The following KMT2A variants were observed in gnomAD, a reference collection of about 807,000 sequenced individuals.
The protein encoded by KMT2A is lysine methyltransferase 2A.
A neutral mutation model predicts 345.3 loss-of-function variants in KMT2A; 16 were observed. The observed-to-expected ratio is 0.05, with a 90% CI of 0.03 to 0.07. The LOEUF (loss-of-function observed/expected upper bound fraction) is 0.07. Ranked by LOEUF, KMT2A falls within the 10% of genes least tolerant of loss-of-function variation. The probability of loss-of-function intolerance (pLI) is 1.00; values close to 1 mark genes in which losing one functional copy is unlikely to be tolerated. For synonymous variants in KMT2A, 1,599 were observed against 1,778.6 expected (o/e 0.90, Z 2.54); for missense variants, 3,272 against 4,841.6 (o/e 0.68, Z 9.62).
At chr11:118,437,194 A>C (rs574802088) in intron 1 of KMT2A, among the ~76,000 whole-genome samples, 17 of 131,870 alleles carry the variant, frequency 1.3e-4, no homozygotes, top group African/African-American at 4.4e-4. Context: ...CCCTTCCCCA[A>C]ATCCCTTGGC....
chr11:118,505,008 C>G lies in KMT2A; in HGVS notation c.9116C>G (p.Ser3039Cys), dbSNP rs1279929414. The G allele has an allele frequency of 6.2e-7, 1 of 1,613,990 alleles. No individual in the cohort carries two copies. The highest frequency in any genetic ancestry group is 8.5e-7 in the Non-Finnish European group (1 of 1,180,014). ...SSTPGLQVPVSPTVPIQNQKY... is the reference protein window; with the variant it reads ...SSTPGLQVPVCPTVPIQNQKY... ...ACCCCTGGCCTTCAGGTACCTGTTT[C>G]CCCAACTGTTCCCATCCAGAACCAG... Residue 3039 changes from serine to cysteine, a missense_variant, in exon 27 of 36, where the codon TCC becomes TGC. Physicochemically the swap from Ser to Cys is moderately radical, Grantham distance 112. Around this residue, in one of 27 missense-constraint regions of KMT2A, gnomAD observed 748 missense variants for 922.2 expected, o/e 0.81. Coordinates refer to ENST00000534358, the MANE Select transcript of KMT2A (RefSeq NM_001197104.2). This position sits in a 1 kb window ranked among gnomAD's most constrained non-coding sequence, Gnocchi z 4.6.
intron 1 of KMT2A, among the ~76,000 whole-genome samples, chr11:118,446,242 G>A (rs1591345656): frequency 1.3e-5 from 2 of 152,032 alleles, no homozygotes; most frequent in South Asian, 2.1e-4. Context: ...CCAGCTACTT[G>A]GGGGGCTGAG....
rs1050383568 is a variant in KMT2A at position 118,525,807 on chromosome 11, G to A, written c.*3635G>A. On this transcript the variant is annotated 3_prime_UTR_variant, in exon 36 of 36. Coordinates refer to ENST00000534358, the MANE Select transcript of KMT2A (RefSeq NM_001197104.2). Reference sequence around the variant, plus strand: ...GAAATCAAGTTGTTTTTGTTTTTAAGGAAAAGCGGGTCATTGCAAAGGGCT... The same window carrying A: ...GAAATCAAGTTGTTTTTGTTTTTAAAGAAAAGCGGGTCATTGCAAAGGGCT... The A allele has an allele frequency of 7.9e-5, 17 of 215,386 alleles. No individual in the cohort carries two copies. The highest frequency in any genetic ancestry group is 1.6e-4 in the Non-Finnish European group (17 of 107,478). The allele number at this position is 215,386 out of a possible 1,614,324, so 13.3% of individuals were successfully genotyped here. A position where few individuals can be genotyped will look rare whatever the true frequency, so the allele number is the denominator to read the frequency against.
At chr11:118,469,495 C>T (rs1949906632) in intron 2 of KMT2A, among the ~76,000 whole-genome samples, 1 of 152,136 alleles carries the variant, frequency 6.6e-6, no homozygotes, top group African/African-American at 2.4e-5. Flanking sequence ...CAATATTTGT[C>T]ATTATTCTCA....
At chr11:118,519,832 A>G (rs782508225) in intron 32 of KMT2A, 40 bp downstream of exon 32, 1 of 1,599,216 alleles carries the variant, frequency 6.3e-7, no homozygotes, top group South Asian at 1.1e-5. Flanking sequence ...TTGGGTCTCG[A>G]TTTTCTTATC....
At position 118,502,389 on chromosome 11, in the gene KMT2A, C is replaced by T. The variant is rs782698697; in HGVS notation, c.6506-9C>T. Reference sequence around the variant, plus strand: ...CAATAGCATTTATTACTTTTTCTCTCTTGTTTAGGAAGTCCTACCCCAACC... The same window carrying T: ...CAATAGCATTTATTACTTTTTCTCTTTTGTTTAGGAAGTCCTACCCCAACC... On this transcript the variant is annotated splice_polypyrimidine_tract_variant and intron_variant, in intron 26 of 35. Coordinates refer to ENST00000534358, the MANE Select transcript of KMT2A (RefSeq NM_001197104.2). The surrounding 1 kb of genome is among the most constrained non-coding windows in gnomAD (Gnocchi z 4.9). 6.4e-7 allele frequency: 1 copy of T among 1,558,616 alleles called. No individual in the cohort carries two copies. Among genetic ancestry groups the T allele is most frequent in the Admixed American group, 2.0e-5 (1 of 49,578 alleles).
chr11:118,490,899 TTC>T lies in KMT2A; in HGVS notation c.4697-291_4697-290del, dbSNP rs1337356755. On this transcript the variant is annotated intron_variant, in intron 13 of 35. Coordinates refer to ENST00000534358, the MANE Select transcript of KMT2A (RefSeq NM_001197104.2). This position sits in a 1 kb window ranked among gnomAD's most constrained non-coding sequence, Gnocchi z 4.2. ...TATTTCTTACAAATGTGTGAGAAAC[TTC>T]TCTCTTCCATTCTTTTCTATTGTTT... 2.0e-5 allele frequency among the ~76,000 whole-genome samples: 3 copies of T among 152,228 alleles called. No homozygotes were observed. The highest frequency in any genetic ancestry group is 2.9e-5 in the Non-Finnish European group (2 of 68,030).
intron 27 of KMT2A, among the ~76,000 whole-genome samples, chr11:118,507,306 C>T (rs1458579515): frequency 6.6e-6 from 1 of 152,076 alleles, no homozygotes; most frequent in Non-Finnish European, 1.5e-5. Flanking sequence ...CCACTCGGAT[C>T]AAGATACAGA....
At chr11:118,437,039 G>C in intron 1 of KMT2A, 95 bp downstream of exon 1, 1 of 1,312,694 alleles carries the variant, frequency 7.6e-7, no homozygotes, top group East Asian at 3.0e-5. Flanking sequence ...CCCAATTCTG[G>C]GACCATCTCG....
intron 8 of KMT2A, among the ~76,000 whole-genome samples, chr11:118,483,791 G>C (rs9332795): frequency 0.013 from 1,973 of 152,224 alleles, 23 homozygotes; most frequent in Non-Finnish European, 0.02. Flanking sequence ...CAGCACTTTG[G>C]GGGGCCAAGG....
chr11:118,498,402 C>T lies in KMT2A; in HGVS notation c.5835C>T (p.Thr1945=), dbSNP rs782265781. The change falls in exon 22 of 36, where the codon ACC becomes ACT. Residue 1945 remains threonine (T), a synonymous_variant. Transcript: ENST00000534358. This position sits in a 1 kb window ranked among gnomAD's most constrained non-coding sequence, Gnocchi z 4.4. ...AATTCTGCCAAAAGCCAGGAGCCACCGTGGGTTGCTGTCTCACATCCTGCA... is the reference window on the plus strand; with the variant it reads ...AATTCTGCCAAAAGCCAGGAGCCACTGTGGGTTGCTGTCTCACATCCTGCA... The part of the protein sequence containing the change: ...RCEFCQKPGA[T]VGCCLTSCTS... 24 of 1,612,732 alleles carry T rather than the reference C, an allele frequency of 1.5e-5. No individual in the cohort carries two copies. The highest frequency in any genetic ancestry group is 4.0e-5 in the African/African-American group (3 of 74,726).
Position 118,503,718 on chromosome 11 carries a change from C to T in KMT2A, c.7826C>T (p.Pro2609Leu). ...CTAATGCTTCCAGATGGCCCCAAAC[C>T]TCAGGAGGATGGCTCTTTTAAAAGG... ...RNLMLPDGPK[P>L]QEDGSFKRRY... Residue 2609 changes from proline to leucine, a missense_variant, in exon 27 of 36, where the codon CCT becomes CTT. This residue lies in a region of KMT2A where 445 missense variants were observed against 500.9 expected (regional missense o/e 0.89). Coordinates refer to ENST00000534358, the MANE Select transcript of KMT2A (RefSeq NM_001197104.2). This position sits in a 1 kb window ranked among gnomAD's most constrained non-coding sequence, Gnocchi z 5.3. The T allele has an allele frequency of 1.2e-6, 2 of 1,614,182 alleles. No individual in the cohort carries two copies. The highest frequency in any genetic ancestry group is 1.1e-5 in the South Asian group (1 of 91,080).
chr11:118,486,230 G>A (rs1217328141), intron 10 of KMT2A, among the ~76,000 whole-genome samples: 2 of 152,148 alleles, frequency 1.3e-5, no homozygotes, highest in African/African-American at 4.8e-5. Flanking sequence ...AAAAGAGCAG[G>A]TTACAAGATA....
At chr11:118,469,272 AG>A (rs1452467789) in intron 2 of KMT2A, among the ~76,000 whole-genome samples, 58 of 152,146 alleles carry the variant, frequency 3.8e-4, no homozygotes, top group African/African-American at 1.3e-3. Context: ...TGGTAGGCAA[AG>A]TGAAGGTAAC....
At chr11:118,513,251 AG>A (rs1267501840) in intron 31 of KMT2A, among the ~76,000 whole-genome samples, 83 of 150,484 alleles carry the variant, frequency 5.5e-4, no homozygotes, top group African/African-American at 2.0e-3. Context: ...CACAAAAAAA[AG>A]AAGAAGAAGA....
In KMT2A at chr11:118,519,716, C is replaced by T. The variant is rs782366377; in HGVS notation, c.11245C>T (p.Arg3749Cys). The part of the protein sequence containing the change: ...GAKHCRNYKF[R>C]FHKPEEANEP... The stretch of plus-strand genomic sequence containing the variant: ...CAAGCACTGTCGAAATTACAAATTC[C>T]GTTTCCACAAGCCAGAGGAGGCCAA... Residue 3749 changes from arginine (R) to cysteine (C), a missense_variant, in exon 32 of 36, where the codon CGT (arginine) becomes TGT (cysteine). Physicochemically the swap from Arg to Cys is radical, Grantham distance 180. Around this residue, in one of 27 missense-constraint regions of KMT2A, gnomAD observed 72 missense variants for 135.6 expected, o/e 0.53. Transcript: ENST00000534358. 6 of 1,614,178 alleles carry T rather than the reference C, an allele frequency of 3.7e-6. No individual in the cohort carries two copies. The highest frequency in any genetic ancestry group is 3.3e-5 in the South Asian group (3 of 91,084).
In KMT2A at chr11:118,523,882, A is replaced by G; in HGVS notation, c.*1710A>G. ...TGGAGAAGGAAGGTCACCCAACTCC[A>G]TTGGGCCACTCCCCTCCTTCCCCTA... On this transcript the variant is annotated 3_prime_UTR_variant, in exon 36 of 36. Transcript: ENST00000534358. 2 of 200,680 alleles carry G rather than the reference A, an allele frequency of 1.0e-5. No homozygotes were observed. Among genetic ancestry groups the G allele is most frequent in the Non-Finnish European group, 2.1e-5 (2 of 97,410 alleles). 12.4% of individuals were successfully genotyped at this position (200,680 alleles called of 1,614,324 possible).
In KMT2A at chr11:118,491,104, G is replaced by A; in HGVS notation, c.4697-92G>A. 7.6e-7 allele frequency: 1 copy of A among 1,310,194 alleles called. No homozygotes were observed. Among genetic ancestry groups the A allele is most frequent in the Non-Finnish European group, 1.1e-6 (1 of 937,982 alleles). 81.2% of individuals were successfully genotyped at this position (1,310,194 alleles called of 1,614,324 possible). A position where few individuals can be genotyped will look rare whatever the true frequency, so the allele number is the denominator to read the frequency against. On this transcript the variant is annotated intron_variant, in intron 13 of 35. Transcript: ENST00000534358. This position sits in a 1 kb window ranked among gnomAD's most constrained non-coding sequence, Gnocchi z 4.2. ...GTGTTCATGATCCCAGAAGAATATA[G>A]ATTTAGATTGGGTTGGTAAATGCAA...
rs782200100 is a variant in KMT2A at position 118,439,169 on chromosome 11, A to G, written c.432+2225A>G. ...AAAAGATACAGCAGCAAAAAAAAAAAAAAAGAAAAAAAAGAAAAAACTGAC... is the reference window on the plus strand; with the variant it reads ...AAAAGATACAGCAGCAAAAAAAAAAGAAAAGAAAAAAAAGAAAAAACTGAC... On this transcript the variant is annotated intron_variant, in intron 1 of 35. Transcript: ENST00000534358. 25 of 406,266 alleles carry G rather than the reference A, an allele frequency of 6.2e-5. No individual in the cohort carries two copies. In the Admixed American group the frequency reaches 8.4e-4, roughly 14 times the overall value. 25.2% of individuals were successfully genotyped at this position (406,266 alleles called of 1,614,324 possible).
Sources: allele counts gnomAD v4.1 joint callset (sites outside exome capture counted in the v4.1 genomes callset), GRCh38; gene constraint gnomAD v4.1.1; regional missense constraint gnomAD v4.1.1; non-coding constraint Gnocchi (gnomAD v3.1); transcripts MANE v1.5; gene names NCBI Gene and HGNC (gene_info 2026-07-23, HGNC 2026-07-21).